Variants in NPAS3 observed in about 807,000 individuals in gnomAD.
NPAS3 encodes neuronal PAS domain protein 3.
In NPAS3, 14 loss-of-function variants were observed where a neutral mutation model predicts 73.1. The observed-to-expected ratio is 0.19, with a 90% CI of 0.13 to 0.30. The LOEUF is 0.30. Ranked by LOEUF, NPAS3 falls within the 10% of genes least tolerant of loss-of-function variation. The probability of loss-of-function intolerance (pLI) is 1.00; values close to 1 mark genes in which losing one functional copy is unlikely to be tolerated. For missense variants in NPAS3, 1,096 were observed against 1,250.0 expected (o/e 0.88, Z 1.86); for synonymous variants, 620 against 541.5 (o/e 1.14, Z -2.01).
chr14:33,627,551 T>C (rs926263655), intron 5 of NPAS3, among the ~76,000 whole-genome samples: 2 of 152,194 alleles, frequency 1.3e-5, no homozygotes, highest in African/African-American at 4.8e-5. Flanking sequence ...CTTTTCAGGT[T>C]TTCTTAGAGC....
At chr14:33,519,567 A>T (rs1275122286) in intron 4 of NPAS3, among the ~76,000 whole-genome samples, 1 of 152,114 alleles carries the variant, frequency 6.6e-6, no homozygotes, top group Non-Finnish European at 1.5e-5. Flanking sequence ...GTAACGTGGG[A>T]CAGATTAATT....
chr14:33,298,337 T>A (rs555724674), intron 3 of NPAS3, among the ~76,000 whole-genome samples: 10 of 152,264 alleles, frequency 6.6e-5, no homozygotes, highest in Non-Finnish European at 1.5e-4. Flanking sequence ...CTTTGGTGGT[T>A]TCCAATAAAA....
At chr14:33,736,863 A>G (rs149446516) in intron 7 of NPAS3, among the ~76,000 whole-genome samples, 114 of 152,336 alleles carry the variant, frequency 7.5e-4, no homozygotes, top group Middle Eastern at 3.4e-3. Context: ...TTGATAATTT[A>G]ATGTTGATTA....
intron 2 of NPAS3, among the ~76,000 whole-genome samples, chr14:33,144,145 C>T (rs2044156637): frequency 6.6e-6 from 1 of 152,128 alleles, no homozygotes; most frequent in South Asian, 2.1e-4. Flanking sequence ...AACTATTTTC[C>T]ACAGTGATTT....
chr14:33,524,312 A>G (rs1957316), intron 4 of NPAS3, among the ~76,000 whole-genome samples: 103,753 of 152,058 alleles, frequency 0.68, 35,738 homozygotes, highest in South Asian at 0.75. Flanking sequence ...TCGGATTTTT[A>G]AGAACAGGAA....
At chr14:33,641,570 C>T (rs543527324) in intron 5 of NPAS3, among the ~76,000 whole-genome samples, 1 of 152,140 alleles carries the variant, frequency 6.6e-6, no homozygotes, top group African/African-American at 2.4e-5. Context: ...ATTAACTTCA[C>T]AAGGAGAGTC....
At chr14:33,017,711 T>C (rs937957241) in intron 1 of NPAS3, among the ~76,000 whole-genome samples, 4 of 152,198 alleles carry the variant, frequency 2.6e-5, no homozygotes, top group Admixed American at 2.0e-4. Context: ...AACATCTCTG[T>C]GCCTTAGTTT....
chr14:33,335,290 G>A (rs1302702885), intron 3 of NPAS3, among the ~76,000 whole-genome samples: 3 of 152,086 alleles, frequency 2.0e-5, no homozygotes, highest in Non-Finnish European at 4.4e-5. Flanking sequence ...TTATAGTGAT[G>A]GACTGCAGGA....
chr14:33,015,634 G>A (rs2039364120), intron 1 of NPAS3, among the ~76,000 whole-genome samples: 2 of 152,100 alleles, frequency 1.3e-5, no homozygotes, highest in Admixed American at 1.3e-4. Context: ...GACCCACTAT[G>A]TATTATATAG....
At chr14:32,967,519 G>T (rs2037225320) in intron 1 of NPAS3, among the ~76,000 whole-genome samples, 1 of 152,072 alleles carries the variant, frequency 6.6e-6, no homozygotes. Flanking sequence ...ATTAAAGAAT[G>T]GGCAAGACAT....
At position 33,800,764 on chromosome 14, in the gene NPAS3, C is replaced by T. The variant is rs771394629; in HGVS notation, c.2457C>T (p.Ala819=). The T allele has an allele frequency of 8.3e-6, 13 of 1,571,288 alleles. No individual in the cohort carries two copies. The East Asian group carries it at 2.3e-4, about 28-fold the overall frequency. The change falls in exon 12 of 12, where the codon GCC becomes GCT. Residue 819 remains alanine, a synonymous_variant. Coordinates refer to ENST00000356141, the Ensembl canonical transcript of NPAS3. This position sits in a 1 kb window ranked among gnomAD's most constrained non-coding sequence, Gnocchi z 6.5. Reference sequence around the variant, plus strand: ...GGACCCTGGCCGCCACCAGCACGGCCGCGCAGAGGGTCTACACCACGGGCA... The same window carrying T: ...GGACCCTGGCCGCCACCAGCACGGCTGCGCAGAGGGTCTACACCACGGGCA...
intron 4 of NPAS3, among the ~76,000 whole-genome samples, chr14:33,373,786 A>T (rs2046198930): frequency 6.6e-6 from 1 of 152,126 alleles, no homozygotes; most frequent in Admixed American, 6.6e-5. Flanking sequence ...AGAACATTCA[A>T]ACCCAAACCT....
chr14:33,438,248 G>A (rs2049077853), intron 4 of NPAS3, among the ~76,000 whole-genome samples: 1 of 152,166 alleles, frequency 6.6e-6, no homozygotes, highest in Non-Finnish European at 1.5e-5. Context: ...GACATGCATT[G>A]CAGTGAGACA....
At chr14:32,984,616 C>A (rs919870656) in intron 1 of NPAS3, among the ~76,000 whole-genome samples, 1 of 152,050 alleles carries the variant, frequency 6.6e-6, no homozygotes, top group African/African-American at 2.4e-5. Flanking sequence ...TTCTTTCCAA[C>A]AACATTATCA....
chr14:33,042,086 G>A (rs552808817), intron 1 of NPAS3, among the ~76,000 whole-genome samples: 5 of 152,044 alleles, frequency 3.3e-5, no homozygotes, highest in Admixed American at 6.6e-5. Flanking sequence ...CAATTGGGCC[G>A]GTTTCAGTAC....
Position 33,800,290 on chromosome 14 carries a change from C to T in NPAS3, c.1983C>T (p.Asp661=). The T allele has an allele frequency of 6.2e-7, 1 of 1,613,462 alleles. No individual in the cohort carries two copies. ...CAGAACCCATCAATTTCGACAATGA[C>T]AGCAGCATCTGGAACTACCCGCCCA... is the stretch of plus-strand genomic sequence containing the variant. The change falls in exon 12 of 12, where the codon GAC becomes GAT. Residue 661 remains aspartate (D), a synonymous_variant. Transcript: ENST00000356141. This position sits in a 1 kb window ranked among gnomAD's most constrained non-coding sequence, Gnocchi z 6.5.
At chr14:33,578,130 C>A (rs2056516509) in intron 5 of NPAS3, 1 of 455,986 alleles carries the variant, frequency 2.2e-6, no homozygotes, top group Admixed American at 2.3e-5. Flanking sequence ...TTTGAGAGTT[C>A]TAAACCTACT....
At chr14:33,381,556 A>T (rs766447483) in intron 4 of NPAS3, among the ~76,000 whole-genome samples, 1 of 152,144 alleles carries the variant, frequency 6.6e-6, no homozygotes, top group Admixed American at 6.5e-5. Flanking sequence ...GTGGGGGAAA[A>T]AGTAGTAAAG....
At chr14:33,309,568 T>C (rs752751842) in intron 3 of NPAS3, among the ~76,000 whole-genome samples, 3 of 152,162 alleles carry the variant, frequency 2.0e-5, no homozygotes, top group Non-Finnish European at 2.9e-5. Context: ...TCTAAGAAGC[T>C]TGGAGTAGTT....
Sources: allele counts gnomAD v4.1 joint callset (sites outside exome capture counted in the v4.1 genomes callset), GRCh38; gene constraint gnomAD v4.1.1; non-coding constraint Gnocchi (gnomAD v3.1); transcripts MANE v1.5; gene names NCBI Gene and HGNC (gene_info 2026-07-23, HGNC 2026-07-21).